NRIP1: variants seen among roughly 807,000 people sequenced by gnomAD.
NRIP1 encodes nuclear receptor interacting protein 1, also known as nuclear receptor-interacting protein 1.
In NRIP1, 28 loss-of-function variants were observed where a neutral mutation model predicts 75.0. The ratio of observed to expected loss-of-function variants is 0.37; its 90% CI spans 0.28 to 0.51. The LOEUF is 0.51. Ranked by LOEUF, NRIP1 falls within the 20% of genes least tolerant of loss-of-function variation. The probability of loss-of-function intolerance (pLI) is 0.92; values close to 1 mark genes in which losing one functional copy is unlikely to be tolerated. For synonymous variants in NRIP1, 526 were observed against 487.6 expected (o/e 1.08, Z -1.04); for missense variants, 1,435 against 1,343.7 (o/e 1.07, Z -1.06).
At chr21:15,019,688 A>T (rs532331916) in intron 2 of NRIP1, among the ~76,000 whole-genome samples, 151 of 151,696 alleles carry the variant, frequency 1.0e-3, no homozygotes, top group Non-Finnish European at 7.4e-4. Flanking sequence ...GGATTTCACT[A>T]TGTTGGTCAG....
rs1568935483 is a variant in NRIP1 at position 14,965,242 on chromosome 21, A to T, written c.2951T>A (p.Leu984Gln). ...GCTGGGCTGAGTGGAACTGTACATCAGTCCATTTAAAGAAGAAATGCTAAA... is the reference window on the plus strand; with the variant it reads ...GCTGGGCTGAGTGGAACTGTACATCTGTCCATTTAAAGAAGAAATGCTAAA... The part of the protein sequence containing the change: ...PEFSISSLNG[L>Q]MYSSTQPSSC... Residue 984 changes from leucine (L) to glutamine (Q), a missense_variant, in exon 4 of 4, where the codon CTG becomes CAG. Leu to Gln is a moderately radical substitution (Grantham distance 113). Coordinates refer to ENST00000318948, the MANE Select transcript of NRIP1 (RefSeq NM_003489.4). The T allele has an allele frequency of 1.9e-6, 3 of 1,613,896 alleles. No individual in the cohort carries two copies. The highest frequency in any genetic ancestry group is 1.3e-5 in the African/African-American group (1 of 74,906).
At chr21:15,042,453 A>G (rs1969600) in intron 2 of NRIP1, among the ~76,000 whole-genome samples, 128,128 of 152,186 alleles carry the variant, frequency 0.84, 54,515 homozygotes, top group East Asian at 1. Flanking sequence ...TCCATATGTG[A>G]TCTATGAGGT....
intron 1 of NRIP1, among the ~76,000 whole-genome samples, chr21:15,048,971 C>G (rs1319113266): frequency 6.6e-6 from 1 of 150,380 alleles, no homozygotes; most frequent in Admixed American, 6.6e-5. Flanking sequence ...AATACATACA[C>G]ACACACACGT....
rs1352384295 is a variant in NRIP1 at position 14,966,410 on chromosome 21, C to T, written c.1783G>A (p.Ala595Thr). The T allele has an allele frequency of 3.1e-6, 5 of 1,613,876 alleles. No individual in the cohort carries two copies. The highest frequency in any genetic ancestry group is 2.7e-5 in the African/African-American group (2 of 74,854). The change falls in exon 4 of 4, where the codon GCA becomes ACA. Residue 595 changes from alanine to threonine, a missense_variant. Coordinates refer to ENST00000318948, the MANE Select transcript of NRIP1 (RefSeq NM_003489.4). ...GTAAGGTCCATTGAGTGGTTAGATG[C>T]AGTATTTGTTAGCTTTTCAGACTGA... ...STQSEKLTNT[A>T]SNHSMDLTKS...
At chr21:15,007,549 G>A (rs1421021368) in intron 3 of NRIP1, among the ~76,000 whole-genome samples, 3 of 152,180 alleles carry the variant, frequency 2.0e-5, no homozygotes, top group Non-Finnish European at 2.9e-5. Context: ...GTGCTTTAAA[G>A]AGGCAGAATC....
intron 3 of NRIP1, among the ~76,000 whole-genome samples, chr21:15,012,210 T>G (rs2088119544): frequency 6.6e-6 from 1 of 152,154 alleles, no homozygotes; most frequent in African/African-American, 2.4e-5. Context: ...AAAGGCATAT[T>G]GAAAAGACAT....
intron 3 of NRIP1, among the ~76,000 whole-genome samples, chr21:14,987,629 A>G (rs1359096417): frequency 6.6e-6 from 1 of 152,204 alleles, no homozygotes; most frequent in Admixed American, 6.5e-5. Flanking sequence ...TGACTGGCCA[A>G]AACAGTGTAT....
chr21:14,994,800 G>A (rs1015472872), intron 3 of NRIP1, among the ~76,000 whole-genome samples: 1 of 152,054 alleles, frequency 6.6e-6, no homozygotes, highest in Admixed American at 6.6e-5. Context: ...AGATTCTAGG[G>A]ATAATATTAA....
intron 2 of NRIP1, among the ~76,000 whole-genome samples, chr21:15,030,790 G>C (rs2088626896): frequency 1.3e-5 from 2 of 151,924 alleles, no homozygotes; most frequent in South Asian, 4.2e-4. Context: ...GATGATTTAA[G>C]TTAAAATAGA....
At chr21:15,018,648 T>TA (rs2147195127) in intron 2 of NRIP1, among the ~76,000 whole-genome samples, 1 of 152,218 alleles carries the variant, frequency 6.6e-6, no homozygotes, top group African/African-American at 2.4e-5. Flanking sequence ...GATGTGAGCA[T>TA]AAAGGATGAT....
At chr21:14,994,921 C>T (rs1462599548) in intron 3 of NRIP1, among the ~76,000 whole-genome samples, 1 of 152,182 alleles carries the variant, frequency 6.6e-6, no homozygotes, top group Non-Finnish European at 1.5e-5. Context: ...ATTTTTCCCT[C>T]TGAAGTAAAA....
At chr21:14,984,473 C>T (rs953061787) in intron 3 of NRIP1, among the ~76,000 whole-genome samples, 2 of 151,224 alleles carry the variant, frequency 1.3e-5, no homozygotes, top group Middle Eastern at 3.4e-3. Flanking sequence ...TGAGGAGTTG[C>T]TTCTTACACA....
At chr21:15,063,345 G>A (rs1049603807) in intron 1 of NRIP1, among the ~76,000 whole-genome samples, 10 of 152,150 alleles carry the variant, frequency 6.6e-5, no homozygotes, top group African/African-American at 2.2e-4. Flanking sequence ...ACATACTCCA[G>A]GCGGCAACCG....
intron 1 of NRIP1, among the ~76,000 whole-genome samples, chr21:15,054,954 G>A (rs538166143): frequency 1.9e-4 from 29 of 152,306 alleles, no homozygotes; most frequent in African/African-American, 6.5e-4. Flanking sequence ...CTTGCCCACT[G>A]TCCCATGAGG....
intron 3 of NRIP1, chr21:14,988,072 T>C (rs965466072): frequency 1.3e-5 from 2 of 152,208 alleles, no homozygotes; most frequent in Non-Finnish European, 2.9e-5. Context: ...CTCTTGCTTT[T>C]ATTAGGAAGG....
At chr21:15,004,053 G>A (rs1375483244) in intron 3 of NRIP1, among the ~76,000 whole-genome samples, 1 of 151,990 alleles carries the variant, frequency 6.6e-6, no homozygotes, top group Non-Finnish European at 1.5e-5. Flanking sequence ...CTAAAAATAT[G>A]TATCTTAATA....
chr21:15,012,551 T>A (rs2088131787), intron 3 of NRIP1, among the ~76,000 whole-genome samples: 1 of 146,632 alleles, frequency 6.8e-6, no homozygotes, highest in Non-Finnish European at 1.5e-5. Flanking sequence ...ACTGCCGACT[T>A]AAGTGATTCT....
chr21:14,989,803 G>C (rs1412539302), intron 3 of NRIP1, among the ~76,000 whole-genome samples: 1 of 152,104 alleles, frequency 6.6e-6, no homozygotes, highest in African/African-American at 2.4e-5. Flanking sequence ...GAGGTGAGGA[G>C]GAGGGGAGCC....
chr21:15,024,654 T>C (rs959514426), intron 2 of NRIP1, among the ~76,000 whole-genome samples: 2 of 149,536 alleles, frequency 1.3e-5, no homozygotes, highest in African/African-American at 5.0e-5. Flanking sequence ...AGAGAGGGGG[T>C]AGCCCTAATA....
Sources: gnomAD v4.1 joint callset for allele counts (sites outside exome capture counted in the v4.1 genomes callset) on GRCh38, gnomAD v4.1.1 for gene constraint, MANE v1.5 for transcripts, NCBI Gene and HGNC (gene_info 2026-07-23, HGNC 2026-07-21) for gene names.